The following ITGB6 variants were observed in gnomAD, a reference collection of about 807,000 sequenced individuals.
The protein encoded by ITGB6 is integrin beta-6.
In ITGB6, 80 loss-of-function variants were observed where a neutral mutation model predicts 84.5. The ratio of observed to expected loss-of-function variants is 0.95; its 90% CI spans 0.79 to 1.14. ITGB6 has a LOEUF of 1.14. ITGB6 is among the 50% of genes most tolerant of loss of function. The pLI is 0.00. For missense variants in ITGB6, 1,006 were observed against 968.0 expected (o/e 1.04, Z -0.52); for synonymous variants, 383 against 354.9 (o/e 1.08, Z -0.89).
At chr2:160,132,163 G>T (rs1485119634) in intron 10 of ITGB6, among the ~76,000 whole-genome samples, 1 of 152,070 alleles carries the variant, frequency 6.6e-6, no homozygotes, top group Non-Finnish European at 1.5e-5. Context: ...GACGGCCTTT[G>T]GCTGGCTTCT....
chr2:160,111,627 C>T (rs1370104508), intron 13 of ITGB6, among the ~76,000 whole-genome samples: 1 of 145,732 alleles, frequency 6.9e-6, no homozygotes, highest in Non-Finnish European at 1.5e-5. Flanking sequence ...CAGAGTCTCA[C>T]TCTGTGCAGT....
intron 6 of ITGB6, 29 bp from the exon 7 acceptor site, chr2:160,169,336 A>G: frequency 8.2e-7 from 1 of 1,223,046 alleles, no homozygotes; most frequent in Non-Finnish European, 1.2e-6. Context: ...ATTTTGCATC[A>G]TCTCAATAAA....
At chr2:160,142,954 T>C (rs1370413744) in intron 7 of ITGB6, among the ~76,000 whole-genome samples, 1 of 152,234 alleles carries the variant, frequency 6.6e-6, no homozygotes, top group Admixed American at 6.5e-5. Flanking sequence ...CAAAATACTT[T>C]GGCCTTTGCT....
intron 10 of ITGB6, among the ~76,000 whole-genome samples, chr2:160,133,068 C>G (rs931747155): frequency 1.3e-5 from 2 of 151,924 alleles, no homozygotes; most frequent in African/African-American, 4.8e-5. Context: ...AGCAGTCTAC[C>G]TAGTTTTTAC....
intron 10 of ITGB6, among the ~76,000 whole-genome samples, chr2:160,133,761 C>T (rs1235906463): frequency 6.6e-6 from 1 of 152,188 alleles, no homozygotes; most frequent in Admixed American, 6.5e-5. Flanking sequence ...TCACTCGAAA[C>T]TGCTCAACTA....
chr2:160,197,879 T>A (rs144308729), intron 2 of ITGB6, among the ~76,000 whole-genome samples: 2 of 152,356 alleles, frequency 1.3e-5, no homozygotes, highest in East Asian at 3.9e-4. Context: ...GAAGCCTAAT[T>A]TACTTTTTGC....
At chr2:160,162,817 G>A (rs187300310) in intron 7 of ITGB6, among the ~76,000 whole-genome samples, 4 of 152,112 alleles carry the variant, frequency 2.6e-5, no homozygotes, top group South Asian at 2.1e-4. Flanking sequence ...ACAGGGTTTC[G>A]CCATGTTGGC....
intron 7 of ITGB6, among the ~76,000 whole-genome samples, chr2:160,154,444 G>A (rs914124065): frequency 6.6e-6 from 1 of 151,412 alleles, no homozygotes; most frequent in Non-Finnish European, 1.5e-5. Flanking sequence ...GGGGTGGGGG[G>A]CTGGGGGAGG....
chr2:160,162,490 C>CAG (rs776225882), intron 7 of ITGB6, among the ~76,000 whole-genome samples: 1 of 151,962 alleles, frequency 6.6e-6, no homozygotes, highest in Non-Finnish European at 1.5e-5. Context: ...GGAACTAGAC[C>CAG]AGAGTTGGGC....
Position 160,137,821 on chromosome 2 carries a change from G to A in ITGB6, c.1273C>T (p.His425Tyr). Residue 425 changes from histidine (H) to tyrosine (Y), a missense_variant, in exon 10 of 15, where the codon CAC becomes TAC. By Grantham distance (83) the His-to-Tyr change is moderately conservative. Transcript: ENST00000283249. ...ASFSVTVNIP[H>Y]CERRSRHIII... Reference sequence around the variant, plus strand: ...ATGTGCCTGCTTCTTCTCTCGCAGTGTGGGATATTCACAGTCACGCTGAAG... The same window carrying A: ...ATGTGCCTGCTTCTTCTCTCGCAGTATGGGATATTCACAGTCACGCTGAAG... The A allele has an allele frequency of 1.2e-6, 2 of 1,614,132 alleles. No individual in the cohort carries two copies. Among genetic ancestry groups the A allele is most frequent in the South Asian group, 1.1e-5 (1 of 91,074 alleles).
intron 7 of ITGB6, among the ~76,000 whole-genome samples, chr2:160,151,291 T>A (rs1159092700): frequency 6.6e-6 from 1 of 152,120 alleles, no homozygotes; most frequent in Non-Finnish European, 1.5e-5. Context: ...ATTAAGAAAC[T>A]CACTAAAAAC....
intron 5 of ITGB6, among the ~76,000 whole-genome samples, chr2:160,173,233 C>A (rs1348375025): frequency 2.0e-5 from 3 of 152,178 alleles, no homozygotes; most frequent in African/African-American, 7.2e-5. Context: ...ATAAGAATTG[C>A]TTATGAAAGT....
chr2:160,136,614 C>A (rs10202503), intron 10 of ITGB6, among the ~76,000 whole-genome samples: 1 of 152,106 alleles, frequency 6.6e-6, no homozygotes, highest in Admixed American at 6.5e-5. Context: ...ATGTTTATTG[C>A]GGCACTATTC....
intron 7 of ITGB6, among the ~76,000 whole-genome samples, chr2:160,147,425 T>G (rs565038033): frequency 4.7e-4 from 71 of 152,340 alleles, no homozygotes; most frequent in African/African-American, 1.7e-3. Flanking sequence ...ATTTATAGAT[T>G]TAATGCAATG....
intron 3 of ITGB6, 95 bp from the exon 4 acceptor site, chr2:160,195,710 A>G (rs1364448364): frequency 1.2e-5 from 16 of 1,333,418 alleles, no homozygotes; most frequent in African/African-American, 5.8e-5. Context: ...TTTCACCTCA[A>G]TAAGAACTTA....
intron 12 of ITGB6, among the ~76,000 whole-genome samples, chr2:160,116,841 A>G (rs1574045225): frequency 1.3e-5 from 2 of 151,764 alleles, no homozygotes; most frequent in Admixed American, 1.3e-4. Context: ...AATGGAAAAC[A>G]AAAAAAGGCA....
intron 7 of ITGB6, 41 bp from the exon 8 acceptor site, chr2:160,142,112 T>G: frequency 7.6e-7 from 1 of 1,307,612 alleles, no homozygotes; most frequent in Non-Finnish European, 1.1e-6. Context: ...TGTTTCCTCA[T>G]GGTAATTGAG....
chr2:160,194,436 C>A (rs1280588376), intron 4 of ITGB6, among the ~76,000 whole-genome samples: 1 of 151,768 alleles, frequency 6.6e-6, no homozygotes, highest in Non-Finnish European at 1.5e-5. Context: ...TTCATATATA[C>A]TAGATATATA....
intron 4 of ITGB6, among the ~76,000 whole-genome samples, chr2:160,191,079 G>A (rs968224826): frequency 1.3e-5 from 2 of 152,092 alleles, no homozygotes; most frequent in Admixed American, 1.3e-4. Context: ...TAAAAATGGG[G>A]CCAAAAGCAT....
Sources: gnomAD v4.1 joint callset for allele counts (sites outside exome capture counted in the v4.1 genomes callset) on GRCh38, gnomAD v4.1.1 for gene constraint, MANE v1.5 for transcripts, NCBI Gene and HGNC (gene_info 2026-07-23, HGNC 2026-07-21) for gene names.